Variants in THSD7A observed in about 807,000 individuals in gnomAD.
The protein encoded by THSD7A is thrombospondin type-1 domain-containing protein 7A.
A neutral mutation model predicts 231.3 loss-of-function variants in THSD7A; 96 were observed. That is an observed-to-expected ratio of 0.41 (90% CI 0.35 to 0.49). The LOEUF (loss-of-function observed/expected upper bound fraction) is 0.49. THSD7A is among the 20% of genes least tolerant of loss of function. The pLI, the probability that THSD7A is intolerant of heterozygous loss-of-function variation, is 0.05. For missense variants in THSD7A, 2,290 were observed against 2,070.2 expected, an observed-to-expected ratio of 1.11 and a Z score of -2.06; for synonymous variants, 940 against 743.3, an observed-to-expected ratio of 1.26 and a Z score of -4.30.
chr7:11,482,940 C>G (rs1310969781), intron 6 of THSD7A, among the ~76,000 whole-genome samples: 4 of 152,128 alleles, frequency 2.6e-5, no homozygotes, highest in Non-Finnish European at 5.9e-5. Context: ...GAGAAAAAGT[C>G]TGAACTCTAT....
At chr7:11,607,116 C>A (rs889180412) in intron 2 of THSD7A, among the ~76,000 whole-genome samples, 4 of 152,012 alleles carry the variant, frequency 2.6e-5, no homozygotes, top group Admixed American at 2.0e-4. Context: ...GGTCTGTAGT[C>A]CCAACTCTTA....
chr7:11,378,531 T>A (rs1782371969), intron 26 of THSD7A, among the ~76,000 whole-genome samples: 2 of 152,208 alleles, frequency 1.3e-5, no homozygotes, highest in African/African-American at 4.8e-5. Context: ...GGCTCCATTG[T>A]CTCCCTGTTT....
chr7:11,770,063 T>G (rs1447391997), intron 1 of THSD7A, among the ~76,000 whole-genome samples: 1 of 152,144 alleles, frequency 6.6e-6, no homozygotes, highest in Non-Finnish European at 1.5e-5. Flanking sequence ...TTTTACCTAT[T>G]GCATTGACAC....
At chr7:11,401,470 G>T (rs759707681) in intron 23 of THSD7A, among the ~76,000 whole-genome samples, 1 of 152,152 alleles carries the variant, frequency 6.6e-6, no homozygotes, top group African/African-American at 2.4e-5. Context: ...AGGCTGGAGT[G>T]CAGTGGTGCA....
At chr7:11,574,987 T>A (rs1004341325) in intron 4 of THSD7A, among the ~76,000 whole-genome samples, 4 of 152,200 alleles carry the variant, frequency 2.6e-5, no homozygotes, top group Admixed American at 1.3e-4. Context: ...ATCCTGATTA[T>A]GACGTTTACT....
chr7:11,505,858 C>T (rs1194597349), intron 6 of THSD7A, among the ~76,000 whole-genome samples: 6 of 152,100 alleles, frequency 3.9e-5, no homozygotes, highest in South Asian at 2.1e-4. Context: ...AACTATGGGG[C>T]TCATTATCTA....
intron 11 of THSD7A, among the ~76,000 whole-genome samples, chr7:11,453,152 G>A (rs1785197658): frequency 1.3e-5 from 2 of 151,706 alleles, no homozygotes; most frequent in Admixed American, 1.3e-4. Flanking sequence ...GAGCAAAGTG[G>A]GTCAGAGTTT....
chr7:11,660,798 C>A (rs994807649), intron 1 of THSD7A, among the ~76,000 whole-genome samples: 1 of 151,378 alleles, frequency 6.6e-6, no homozygotes, highest in African/African-American at 2.4e-5. Context: ...ACAAAGAAGT[C>A]TTTTACTTCT....
chr7:11,804,502 A>G (rs1460392831), intron 1 of THSD7A, among the ~76,000 whole-genome samples: 1 of 152,188 alleles, frequency 6.6e-6, no homozygotes, highest in Admixed American at 6.6e-5. Flanking sequence ...TTTCAATTCA[A>G]CATAACTGAA....
At chr7:11,733,039 G>C (rs1043251456) in intron 1 of THSD7A, among the ~76,000 whole-genome samples, 4 of 151,764 alleles carry the variant, frequency 2.6e-5, no homozygotes, top group African/African-American at 9.7e-5. Flanking sequence ...ACTAGTATGA[G>C]AATATATTGA....
At chr7:11,744,189 TAGA>T in intron 1 of THSD7A, among the ~76,000 whole-genome samples, 1 of 152,004 alleles carries the variant, frequency 6.6e-6, no homozygotes, top group African/African-American at 2.4e-5. Context: ...AATGACAGTC[TAGA>T]AGGAGATCTC....
intron 22 of THSD7A, among the ~76,000 whole-genome samples, chr7:11,402,527 C>A (rs1185957565): frequency 3.3e-5 from 5 of 152,166 alleles, no homozygotes; most frequent in Non-Finnish European, 5.9e-5. Context: ...GATCTACATC[C>A]TCAATCAACT....
chr7:11,489,941 T>C (rs547729739), intron 6 of THSD7A, among the ~76,000 whole-genome samples: 2 of 152,188 alleles, frequency 1.3e-5, no homozygotes, highest in East Asian at 3.9e-4. Context: ...TTAAGAAACC[T>C]GGGAGTCTTC....
intron 1 of THSD7A, among the ~76,000 whole-genome samples, chr7:11,685,581 A>T (rs548314200): frequency 6.6e-6 from 1 of 151,984 alleles, no homozygotes; most frequent in Admixed American, 6.6e-5. Context: ...GACACTTCCT[A>T]AAAGAAGATA....
chr7:11,811,226 G>GCACACA (rs142924761), intron 1 of THSD7A, among the ~76,000 whole-genome samples: 2 of 151,426 alleles, frequency 1.3e-5, no homozygotes, highest in South Asian at 2.1e-4. Context: ...GAATTATCAA[G>GCACACA]CACACACACA....
intron 1 of THSD7A, among the ~76,000 whole-genome samples, chr7:11,796,666 T>A (rs928846701): frequency 5.9e-5 from 9 of 152,122 alleles, no homozygotes; most frequent in African/African-American, 2.2e-4. Flanking sequence ...TTATAGATAA[T>A]GGGAAAAGTA....
chr7:11,404,567 CCTT>C (rs1453894305), intron 22 of THSD7A, among the ~76,000 whole-genome samples: 1 of 152,190 alleles, frequency 6.6e-6, no homozygotes, highest in African/African-American at 2.4e-5. Flanking sequence ...GCTGCCACAG[CCTT>C]AGGCTGGGTC....
At chr7:11,785,170 TGTAGA>T (rs1211613235) in intron 1 of THSD7A, among the ~76,000 whole-genome samples, 4 of 152,178 alleles carry the variant, frequency 2.6e-5, no homozygotes, top group Non-Finnish European at 5.9e-5. Flanking sequence ...TTAGCTTCAC[TGTAGA>T]GTAAATGACT....
chr7:11,411,161 T>C lies in THSD7A; in HGVS notation c.3798+46A>G. 1 of 1,452,206 alleles carries C rather than the reference T, an allele frequency of 6.9e-7. No homozygotes were observed. The highest frequency in any genetic ancestry group is 9.6e-7 in the Non-Finnish European group (1 of 1,040,734). The allele number at this position is 1,452,206 out of a possible 1,614,324, so 90.0% of individuals were successfully genotyped here. A position where few individuals can be genotyped will look rare whatever the true frequency, so the allele number is the denominator to read the frequency against. On this transcript the variant is annotated intron_variant, in intron 19 of 27. Coordinates refer to ENST00000423059, the MANE Select transcript of THSD7A (RefSeq NM_015204.3). The surrounding 1 kb of genome is among the most constrained non-coding windows in gnomAD (Gnocchi z 4.1). The stretch of plus-strand genomic sequence containing the variant: ...CTTGGCTCAGCATGAATTGAAATTA[T>C]TAGGGAAGAATTTACTCGCGAAGAT...
Sources: allele counts gnomAD v4.1 joint callset (sites outside exome capture counted in the v4.1 genomes callset), GRCh38; gene constraint gnomAD v4.1.1; non-coding constraint Gnocchi (gnomAD v3.1); transcripts MANE v1.5; gene names NCBI Gene and HGNC (gene_info 2026-07-23, HGNC 2026-07-21).